The following NR1I2 variants were observed in gnomAD, a reference collection of about 807,000 sequenced individuals.
The protein encoded by NR1I2 is nuclear receptor subfamily 1 group I member 2, also known as orphan nuclear receptor PAR1.
A neutral mutation model predicts 43.3 loss-of-function variants in NR1I2; 42 were observed. The observed-to-expected ratio is 0.97, with a 90% CI of 0.76 to 1.26. The LOEUF (loss-of-function observed/expected upper bound fraction) is 1.26. Ranked by LOEUF, NR1I2 falls within the 50% of genes most tolerant of loss-of-function variation. The probability of loss-of-function intolerance (pLI) is 0.00; values close to 1 mark genes in which losing one functional copy is unlikely to be tolerated. For missense variants in NR1I2, 559 were observed against 566.7 expected, an observed-to-expected ratio of 0.99 and a Z score of 0.14; for synonymous variants, 229 against 215.0, an observed-to-expected ratio of 1.06 and a Z score of -0.57.
At chr3:119,809,945 A>C in intron 2 of NR1I2, 116 bp from the exon 3 acceptor site, 2 of 1,329,626 alleles carry the variant, frequency 1.5e-6, no homozygotes, top group African/African-American at 1.4e-5. Flanking sequence ...CGCAAAGGCT[A>C]GTGTCCCCCT....
chr3:119,810,202 G>A lies in NR1I2; in HGVS notation c.331+8G>A, dbSNP rs2055219601. ...GCGGCATGAAGAAGGAGAGTGAGCA[G>A]TGGGCGCGCGGGCGGGCCGGCGCCG... On this transcript the variant is annotated splice_region_variant and intron_variant, in intron 3 of 8. Transcript: ENST00000393716. 1.9e-6 allele frequency: 3 copies of A among 1,592,588 alleles called. No homozygotes were observed.
chr3:119,792,493 C>A, intron 1 of NR1I2: 1 of 1,078,854 alleles, frequency 9.3e-7, no homozygotes, highest in Middle Eastern at 2.3e-4. Flanking sequence ...AGCTCTCTCG[C>A]TCTTGGAACA....
In NR1I2 at chr3:119,789,936, T is replaced by C. The variant is rs144344399; in HGVS notation, c.-23+7636T>C. Among the ~76,000 whole-genome samples the C allele has an allele frequency of 2.0e-3, 307 of 152,330 alleles. 2 individuals are homozygous for C. The highest frequency in any genetic ancestry group is 6.0e-3 in the African/African-American group (251 of 41,574). ...GAGCAGGATTGAAAAATTAATTAGT[T>C]CTGGTAAAATTCAAATAACAAATTT... On this transcript the variant is annotated intron_variant, in intron 1 of 8. Transcript: ENST00000393716.
At chr3:119,804,612 CTTT>C (rs2055126571) in intron 1 of NR1I2, among the ~76,000 whole-genome samples, 1 of 151,606 alleles carries the variant, frequency 6.6e-6, no homozygotes, top group African/African-American at 2.4e-5. Flanking sequence ...TTCCGGCTAA[CTTT>C]TTGTATCTTT....
chr3:119,782,731 C>T (rs749328875), intron 1 of NR1I2: 1 of 1,528,062 alleles, frequency 6.5e-7, no homozygotes, highest in South Asian at 1.1e-5. Flanking sequence ...TTAGTGCTGG[C>T]AGCCCCCTGA....
In NR1I2 at chr3:119,811,633, G is replaced by A. The variant is rs756334443; in HGVS notation, c.426G>A (p.Gly142=). ...GGACTCAGCCACTGGGAGTGCAGGG[G>A]CTGACAGAGGAGCAGCGGATGATGA... The change falls in exon 4 of 9, where the codon GGG becomes GGA. Residue 142 remains glycine, a synonymous_variant. Coordinates refer to ENST00000393716, the MANE Select transcript of NR1I2 (RefSeq NM_003889.4). 13 of 1,613,896 alleles carry A rather than the reference G, an allele frequency of 8.1e-6. No individual in the cohort carries two copies. Among genetic ancestry groups the A allele is most frequent in the Non-Finnish European group, 1.0e-5 (12 of 1,179,998 alleles).
At chr3:119,797,824 G>A (rs189246141) in intron 1 of NR1I2, among the ~76,000 whole-genome samples, 1 of 152,236 alleles carries the variant, frequency 6.6e-6, no homozygotes, top group Admixed American at 6.5e-5. Context: ...TTCAGTCTTT[G>A]TCTGAAAATG....
rs577938453 is a variant in NR1I2 at position 119,803,761 on chromosome 3, C to CT, written c.-22-3454dup. On this transcript the variant is annotated intron_variant, in intron 1 of 8. Transcript: ENST00000393716. ...TGCTGAAACCATCTTTCTCAGTGTACTTTTTTTTTTTTTTGAGACAGAGTC... is the reference window on the plus strand; with the variant it reads ...TGCTGAAACCATCTTTCTCAGTGTACTTTTTTTTTTTTTTTGAGACAGAGTC... Among the ~76,000 whole-genome samples the CT allele has an allele frequency of 5.1e-3, 738 of 145,476 alleles. 1 individual carries two copies. The highest frequency in any genetic ancestry group is 0.012 in the African/African-American group (482 of 39,876).
At chr3:119,805,074 T>C (rs2055132596) in intron 1 of NR1I2, among the ~76,000 whole-genome samples, 1 of 152,214 alleles carries the variant, frequency 6.6e-6, no homozygotes, top group South Asian at 2.1e-4. Flanking sequence ...GAAGTCATTG[T>C]TTATTCCGAT....
At chr3:119,786,796 G>A (rs1445670572) in intron 1 of NR1I2, among the ~76,000 whole-genome samples, 3 of 152,194 alleles carry the variant, frequency 2.0e-5, no homozygotes, top group East Asian at 3.9e-4. Context: ...TTCATAAACC[G>A]TGACTTTGGC....
chr3:119,815,411 G>C lies in NR1I2; in HGVS notation c.1026G>C (p.Leu342=). 6.2e-7 allele frequency: 1 copy of C among 1,613,026 alleles called. No homozygotes were observed. The highest frequency in any genetic ancestry group is 1.1e-5 in the South Asian group (1 of 91,040). Residue 342 remains leucine, a synonymous_variant, in exon 7 of 9, where the codon CTG becomes CTC. Coordinates refer to ENST00000393716, the MANE Select transcript of NR1I2 (RefSeq NM_003889.4). ...AGCTGCATGAGGAGGAGTATGTGCTGATGCAGGCCATCTCCCTCTTCTCCC... is the reference window on the plus strand; with the variant it reads ...AGCTGCATGAGGAGGAGTATGTGCTCATGCAGGCCATCTCCCTCTTCTCCC...
chr3:119,814,624 G>T (rs1333318948), intron 5 of NR1I2, among the ~76,000 whole-genome samples: 1 of 152,238 alleles, frequency 6.6e-6, no homozygotes. Context: ...GGGGGAAACT[G>T]AGGCAGAAAG....
chr3:119,795,362 A>C (rs899479070), intron 1 of NR1I2, among the ~76,000 whole-genome samples: 1 of 152,094 alleles, frequency 6.6e-6, no homozygotes, highest in African/African-American at 2.4e-5. Flanking sequence ...TGTACTGTGA[A>C]TTCCTTCAGT....
intron 1 of NR1I2, among the ~76,000 whole-genome samples, chr3:119,788,553 T>G (rs1330313322): frequency 6.6e-6 from 1 of 152,224 alleles, no homozygotes; most frequent in African/African-American, 2.4e-5. Context: ...TCTTCCTGCC[T>G]CAGCCTCCCA....
At position 119,782,719 on chromosome 3, in the gene NR1I2, G is replaced by A. The variant is rs1260630105; in HGVS notation, c.-23+419G>A. On this transcript the variant is annotated intron_variant, in intron 1 of 8. Coordinates refer to ENST00000393716, the MANE Select transcript of NR1I2 (RefSeq NM_003889.4). Reference sequence around the variant, plus strand: ...AGTCCTGATTCCTTTTGGCCTGCTGGGTTAGTGCTGGCAGCCCCCTGAGGC... The same window carrying A: ...AGTCCTGATTCCTTTTGGCCTGCTGAGTTAGTGCTGGCAGCCCCCTGAGGC... The A allele has an allele frequency of 7.5e-6, 11 of 1,466,096 alleles. No homozygotes were observed. The South Asian group carries it at 1.1e-4, about 15-fold the overall frequency. The allele number at this position is 1,466,096 out of a possible 1,614,324, so 90.8% of individuals were successfully genotyped here. A position where few individuals can be genotyped will look rare whatever the true frequency, so the allele number is the denominator to read the frequency against.
At chr3:119,786,893 T>A (rs906227363) in intron 1 of NR1I2, among the ~76,000 whole-genome samples, 2 of 152,186 alleles carry the variant, frequency 1.3e-5, no homozygotes. Context: ...CATAAAGAAT[T>A]TAAAACATAT....
rs762573680 is a variant in NR1I2 at position 119,807,256 on chromosome 3, G to A, written c.6G>A (p.Glu2=). 6.2e-7 allele frequency: 1 copy of A among 1,614,150 alleles called. No individual in the cohort carries two copies. The highest frequency in any genetic ancestry group is 8.5e-7 in the Non-Finnish European group (1 of 1,180,024). Residue 2 remains glutamate (E), a synonymous_variant, in exon 2 of 9, where the codon GAG becomes GAA. Transcript: ENST00000393716. ...CAAGAGGCCCAGAAGCAAACCTGGA[G>A]GTGAGACCCAAAGAAAGCTGGAACC...
rs375476348 is a variant in NR1I2, at chr3:119,814,979, G to A, written c.795G>A (p.Arg265=). ...CTCCCCTCCCCATCCTTGCTGCCAG[G>A]GACTTGCCCATCGAGGACCAGATCT... The change falls in exon 6 of 9, where the codon AGG becomes AGA. Residue 265 remains arginine (R), a splice_region_variant and synonymous_variant. Coordinates refer to ENST00000393716, the MANE Select transcript of NR1I2 (RefSeq NM_003889.4). 3.1e-6 allele frequency: 5 copies of A among 1,613,976 alleles called. No individual in the cohort carries two copies. Among genetic ancestry groups the A allele is most frequent in the Non-Finnish European group, 4.2e-6 (5 of 1,180,024 alleles).
chr3:119,809,653 G>A (rs1314838149), intron 2 of NR1I2, among the ~76,000 whole-genome samples: 1 of 152,092 alleles, frequency 6.6e-6, no homozygotes, highest in Non-Finnish European at 1.5e-5. Flanking sequence ...AGGGGAAATC[G>A]AGGAAGAGGC....
Sources: allele counts gnomAD v4.1 joint callset (sites outside exome capture counted in the v4.1 genomes callset), GRCh38; gene constraint gnomAD v4.1.1; transcripts MANE v1.5; gene names NCBI Gene and HGNC (gene_info 2026-07-23, HGNC 2026-07-21).